TRAPPC9: variants seen among roughly 807,000 people sequenced by gnomAD.
TRAPPC9 encodes trafficking protein particle complex subunit 9, also known as IKK2 binding protein.
TRAPPC9 carries 83 observed loss-of-function variants against 124.0 expected under a neutral mutation model. The observed-to-expected ratio is 0.67, with a 90% CI of 0.56 to 0.80. The LOEUF is 0.80. Ranked by LOEUF, TRAPPC9 falls within the 30% of genes least tolerant of loss-of-function variation. The pLI is 0.00. For synonymous variants in TRAPPC9, 638 were observed against 617.5 expected (o/e 1.03, Z -0.49); for missense variants, 1,302 against 1,508.3 (o/e 0.86, Z 2.27).
intron 14 of TRAPPC9, among the ~76,000 whole-genome samples, 182 bp downstream of exon 14, chr8:140,283,707 T>G (rs535506642): frequency 6.6e-6 from 1 of 152,120 alleles, no homozygotes; most frequent in Non-Finnish European, 1.5e-5. Context: ...TAAGAAAGAT[T>G]TCAACTTTGT....
intron 18 of TRAPPC9, among the ~76,000 whole-genome samples, chr8:140,005,618 G>A (rs74872305): frequency 0.018 from 2,786 of 152,220 alleles, 81 homozygotes; most frequent in African/African-American, 0.063. Context: ...CCTCACAGGA[G>A]TGAGGAAACG....
chr8:140,167,037 G>A (rs1009470101), intron 17 of TRAPPC9, among the ~76,000 whole-genome samples: 2 of 152,136 alleles, frequency 1.3e-5, no homozygotes, highest in Non-Finnish European at 2.9e-5. Context: ...ACCAAAAAAG[G>A]TAGCTGAATC....
intron 14 of TRAPPC9, 132 bp downstream of exon 14, chr8:140,283,757 C>T: frequency 1.0e-6 from 1 of 959,276 alleles, no homozygotes; most frequent in Non-Finnish European, 1.6e-6. Context: ...TGTTGCTTAT[C>T]TTACAGAAAT....
At chr8:140,183,782 G>T (rs903936110) in intron 17 of TRAPPC9, among the ~76,000 whole-genome samples, 2 of 151,202 alleles carry the variant, frequency 1.3e-5, no homozygotes, top group African/African-American at 4.9e-5. Flanking sequence ...TTGAACCCAG[G>T]ATGGGGAGTT....
At chr8:140,392,425 C>G (rs188185951) in intron 7 of TRAPPC9, among the ~76,000 whole-genome samples, 3 of 152,228 alleles carry the variant, frequency 2.0e-5, no homozygotes, top group African/African-American at 4.8e-5. Context: ...GCAGGCCTGA[C>G]TAGAAAATTC....
rs141771160 is a variant in TRAPPC9, at chr8:139,948,248, A to AACAC, written c.2811-37952_2811-37949dup. Among the ~76,000 whole-genome samples the AACAC allele has an allele frequency of 7.5e-3, 1,091 of 144,698 alleles. 9 individuals carry two copies. The highest frequency in any genetic ancestry group is 0.016 in the African/African-American group (611 of 38,136). The allele number at this position is 144,698 out of a possible 152,430, so 94.9% of individuals were successfully genotyped here. Reference sequence around the variant, plus strand: ...CTGAGTGGGGGAAGATGGTTCATAAAACACACACACACACACACACACACA... The same window carrying AACAC: ...CTGAGTGGGGGAAGATGGTTCATAAAACACACACACACACACACACACACACACA... On this transcript the variant is annotated intron_variant, in intron 19 of 22. Transcript: ENST00000438773.
intron 9 of TRAPPC9, among the ~76,000 whole-genome samples, chr8:140,344,452 T>C (rs1021754870): frequency 6.6e-6 from 1 of 152,144 alleles, no homozygotes; most frequent in Non-Finnish European, 1.5e-5. Context: ...GCTGAGCCCC[T>C]GTCACACAGT....
At chr8:140,196,060 A>AC (rs2062656684) in intron 17 of TRAPPC9, among the ~76,000 whole-genome samples, 2 of 52,472 alleles carry the variant, frequency 3.8e-5, no homozygotes, top group African/African-American at 8.5e-5. Context: ...TGAACAATTC[A>AC]CATACAGACC....
At chr8:140,444,348 G>A (rs2071160260) in intron 2 of TRAPPC9, among the ~76,000 whole-genome samples, 1 of 151,982 alleles carries the variant, frequency 6.6e-6, no homozygotes, top group African/African-American at 2.4e-5. Context: ...CAATTCCCCA[G>A]CACCTCTCTC....
chr8:139,924,178 T>C (rs555015918), intron 19 of TRAPPC9, among the ~76,000 whole-genome samples: 1 of 152,274 alleles, frequency 6.6e-6, no homozygotes, highest in African/African-American at 2.4e-5. Flanking sequence ...CCTGGATAAA[T>C]CAGTCAAGCC....
intron 1 of TRAPPC9, among the ~76,000 whole-genome samples, chr8:140,457,146 G>A: frequency 6.6e-6 from 1 of 152,218 alleles, no homozygotes; most frequent in East Asian, 1.9e-4. Context: ...GGAAAGCGCC[G>A]GGGGCGTGGG....
intron 10 of TRAPPC9, among the ~76,000 whole-genome samples, chr8:140,302,122 C>A (rs1031990607): frequency 6.6e-6 from 1 of 152,236 alleles, no homozygotes; most frequent in Non-Finnish European, 1.5e-5. Context: ...CTCATTCCAG[C>A]CTGCTCTGTG....
At chr8:139,945,573 A>C (rs1372452809) in intron 19 of TRAPPC9, among the ~76,000 whole-genome samples, 3 of 131,286 alleles carry the variant, frequency 2.3e-5, no homozygotes, top group Non-Finnish European at 4.9e-5. Context: ...AAAAAAAAAA[A>C]CCAACAAAAA....
chr8:139,734,242 C>T (rs941334504), intron 21 of TRAPPC9, among the ~76,000 whole-genome samples: 1 of 152,220 alleles, frequency 6.6e-6, no homozygotes, highest in Non-Finnish European at 1.5e-5. Context: ...CAGTGCTCTC[C>T]ATAGCCCGTG....
chr8:140,267,612 C>G (rs1346418669), intron 15 of TRAPPC9, among the ~76,000 whole-genome samples: 2 of 152,184 alleles, frequency 1.3e-5, no homozygotes, highest in African/African-American at 4.8e-5. Context: ...GTACCACTCA[C>G]CTGGTATGTG....
At position 140,452,074 on chromosome 8, in the gene TRAPPC9, T is replaced by C. The variant is rs2071481651; in HGVS notation, c.-10-691A>G. 2.0e-5 allele frequency among the ~76,000 whole-genome samples: 3 copies of C among 150,520 alleles called. No homozygotes were observed. In the South Asian group the frequency reaches 6.3e-4, roughly 32 times the overall value. ...AGGTGAAAGCTGCAGTGAGCCAAGA[T>C]TGCGCCACTGCACTCCAGCCTGGGT... On this transcript the variant is annotated intron_variant, in intron 1 of 22. Transcript: ENST00000438773.
chr8:139,864,078 C>T (rs949738832), intron 21 of TRAPPC9, among the ~76,000 whole-genome samples: 2 of 152,160 alleles, frequency 1.3e-5, no homozygotes, highest in African/African-American at 4.8e-5. Context: ...CACCACAAAG[C>T]CCCCCTCCCT....
chr8:140,419,420 C>G (rs1268654192), intron 5 of TRAPPC9, among the ~76,000 whole-genome samples: 1 of 105,888 alleles, frequency 9.4e-6, no homozygotes, highest in Non-Finnish European at 1.8e-5. Flanking sequence ...CAGAGTGAGA[C>G]TCCGTCTCAA....
chr8:140,083,809 G>A (rs1844007705), intron 17 of TRAPPC9, among the ~76,000 whole-genome samples: 2 of 152,130 alleles, frequency 1.3e-5, no homozygotes, highest in Admixed American at 1.3e-4. Context: ...TAGGATTACA[G>A]GCACGGGCCA....
Sources: allele counts gnomAD v4.1 joint callset (sites outside exome capture counted in the v4.1 genomes callset), GRCh38; gene constraint gnomAD v4.1.1; transcripts MANE v1.5; gene names NCBI Gene and HGNC (gene_info 2026-07-23, HGNC 2026-07-21).